The following CYS1 variants were observed in gnomAD, a reference collection of about 807,000 sequenced individuals.
CYS1 encodes the protein cystin 1.
A neutral mutation model predicts 9.6 loss-of-function variants in CYS1; 5 were observed. The ratio of observed to expected loss-of-function variants is 0.52; its 90% CI spans 0.27 to 1.10. The LOEUF (loss-of-function observed/expected upper bound fraction) is 1.10. CYS1 is among the 50% of genes least tolerant of loss of function. CYS1 has a pLI of 0.11. For synonymous variants in CYS1, 88 were observed against 95.7 expected, an observed-to-expected ratio of 0.92 and a Z score of 0.47; for missense variants, 221 against 207.9, an observed-to-expected ratio of 1.06 and a Z score of -0.39.
chr2:10,078,105 CAAA>C (rs35316392), intron 1 of CYS1, among the ~76,000 whole-genome samples: 9 of 135,680 alleles, frequency 6.6e-5, no homozygotes, highest in Admixed American at 7.2e-5. Context: ...AACTCCGTTT[CAAA>C]AAAAAAAAAA....
rs145751380 is a variant in CYS1, at chr2:10,065,934, T to C, written c.341A>G (p.Glu114Gly). ...GACATTGCCGCTCCCCGGGTGGCCC[T>C]CTGTGCTCTGCTCTGCGCACACCTT... is the stretch of plus-strand genomic sequence containing the variant. ...GSAVCAEQST[E>G]GHPGSGNVSE... Residue 114 changes from glutamate to glycine, a missense_variant, in exon 2 of 3, where the codon GAG (glutamate) becomes GGG (glycine). By Grantham distance (98) the Glu-to-Gly change is moderately conservative. Coordinates refer to ENST00000381813, the MANE Select transcript of CYS1 (RefSeq NM_001037160.3). The C allele has an allele frequency of 6.2e-7, 1 of 1,614,114 alleles. No individual in the cohort carries two copies. The highest frequency in any genetic ancestry group is 1.3e-5 in the African/African-American group (1 of 74,938).
chr2:10,079,381 T>C (rs928185699), intron 1 of CYS1, among the ~76,000 whole-genome samples: 5 of 152,150 alleles, frequency 3.3e-5, no homozygotes, highest in Admixed American at 1.3e-4. Context: ...AGAGTGCTTG[T>C]TTTATTGTTT....
Position 10,058,753 on chromosome 2 carries a change from T to G in CYS1, c.*100A>C. On this transcript the variant is annotated 3_prime_UTR_variant, in exon 3 of 3. Coordinates refer to ENST00000381813, the MANE Select transcript of CYS1 (RefSeq NM_001037160.3). The stretch of plus-strand genomic sequence containing the variant: ...CTTTGAATATCCGGGAGTGACTGCG[T>G]TTTGGAGGTGGTTCAGCTCCTGCTA... 2.9e-6 allele frequency: 3 copies of G among 1,027,142 alleles called. No homozygotes were observed. Among genetic ancestry groups the G allele is most frequent in the Non-Finnish European group, 4.2e-6 (3 of 713,280 alleles). The allele number at this position is 1,027,142 out of a possible 1,614,324, so 63.6% of individuals were successfully genotyped here.
intron 2 of CYS1, among the ~76,000 whole-genome samples, chr2:10,064,879 G>A (rs1252767509): frequency 6.6e-6 from 1 of 151,146 alleles, no homozygotes; most frequent in African/African-American, 2.4e-5. Flanking sequence ...CACTGTGCCC[G>A]GCTAATTTTT....
chr2:10,070,043 GC>G (rs1269459926), intron 1 of CYS1, among the ~76,000 whole-genome samples: 1 of 152,222 alleles, frequency 6.6e-6, no homozygotes, highest in East Asian at 1.9e-4. Flanking sequence ...AACAGCTCAT[GC>G]CCCCTTCTTA....
chr2:10,067,054 T>C (rs1464202184), intron 1 of CYS1, among the ~76,000 whole-genome samples: 1 of 152,216 alleles, frequency 6.6e-6, no homozygotes, highest in Non-Finnish European at 1.5e-5. Context: ...TTGCTCTTGT[T>C]GCCCAGGCTG....
chr2:10,064,224 AAAAAAAT>A, intron 2 of CYS1, among the ~76,000 whole-genome samples: 1 of 152,090 alleles, frequency 6.6e-6, no homozygotes, highest in South Asian at 2.1e-4. Flanking sequence ...ACTCTACCTC[AAAAAAAT>A]AAAAAATAAA....
At chr2:10,074,607 C>T (rs547128372) in intron 1 of CYS1, among the ~76,000 whole-genome samples, 1 of 152,260 alleles carries the variant, frequency 6.6e-6, no homozygotes, top group Non-Finnish European at 1.5e-5. Context: ...TTCAATGTCC[C>T]CTCATGTGCC....
intron 1 of CYS1, among the ~76,000 whole-genome samples, chr2:10,070,890 C>G (rs565754878): frequency 6.6e-6 from 1 of 152,316 alleles, no homozygotes; most frequent in Admixed American, 6.5e-5. Context: ...GCGATCCCCC[C>G]ACCTCGGCCT....
intron 1 of CYS1, among the ~76,000 whole-genome samples, chr2:10,077,006 C>G (rs1041529123): frequency 2.6e-5 from 4 of 152,188 alleles, no homozygotes; most frequent in Non-Finnish European, 5.9e-5. Flanking sequence ...CACCCCAAAC[C>G]TGCCCCTTCC....
intron 1 of CYS1, among the ~76,000 whole-genome samples, chr2:10,079,681 G>C (rs1035267719): frequency 2.1e-4 from 32 of 151,888 alleles, no homozygotes; most frequent in Non-Finnish European, 2.9e-5. Context: ...TTCCTCGGCC[G>C]CTCCCAGCGC....
intron 1 of CYS1, among the ~76,000 whole-genome samples, chr2:10,077,825 G>A (rs4583435): frequency 0.22 from 33,056 of 151,878 alleles, 3,809 homozygotes; most frequent in Non-Finnish European, 0.26. Flanking sequence ...AATACATACA[G>A]TCGGCTGGGT....
chr2:10,079,305 G>T (rs1390057924), intron 1 of CYS1, among the ~76,000 whole-genome samples: 1 of 152,204 alleles, frequency 6.6e-6, no homozygotes, highest in Non-Finnish European at 1.5e-5. Flanking sequence ...TCCTCCCCGA[G>T]CCCGGGAGCG....
chr2:10,060,626 C>T (rs976001053), intron 2 of CYS1, among the ~76,000 whole-genome samples: 4 of 152,232 alleles, frequency 2.6e-5, no homozygotes, highest in African/African-American at 7.2e-5. Context: ...TTGACGCCTG[C>T]AGGGCTCTTG....
chr2:10,071,168 T>G (rs183008972), intron 1 of CYS1, among the ~76,000 whole-genome samples: 3 of 152,338 alleles, frequency 2.0e-5, no homozygotes, highest in Non-Finnish European at 4.4e-5. Context: ...GGTTTCACTA[T>G]GTTGGCCACG....
intron 1 of CYS1, among the ~76,000 whole-genome samples, chr2:10,074,361 G>C (rs1661814691): frequency 6.6e-6 from 1 of 152,182 alleles, no homozygotes; most frequent in Admixed American, 6.5e-5. Flanking sequence ...ACTTTCCCTT[G>C]CTTGTCAAAC....
chr2:10,064,188 A>G (rs142190896), intron 2 of CYS1, among the ~76,000 whole-genome samples: 12 of 152,242 alleles, frequency 7.9e-5, no homozygotes, highest in African/African-American at 2.9e-4. Flanking sequence ...GTACCAGTGC[A>G]CTCCAGCCTG....
intron 1 of CYS1, among the ~76,000 whole-genome samples, chr2:10,071,035 G>A (rs936213382): frequency 3.3e-5 from 5 of 151,886 alleles, no homozygotes; most frequent in African/African-American, 1.2e-4. Context: ...GGCGTGATTC[G>A]GCTCACTGCA....
intron 2 of CYS1, 22 bp downstream of exon 2, chr2:10,065,882 G>C (rs1209174997): frequency 6.2e-7 from 1 of 1,613,884 alleles, no homozygotes; most frequent in Admixed American, 1.7e-5. Context: ...TTCTGGGAGA[G>C]ATGTGCCTCC....
Sources: gnomAD v4.1 joint callset for allele counts (sites outside exome capture counted in the v4.1 genomes callset) on GRCh38, gnomAD v4.1.1 for gene constraint, MANE v1.5 for transcripts, NCBI Gene and HGNC (gene_info 2026-07-23, HGNC 2026-07-21) for gene names.